LRMDA: variants seen among roughly 807,000 people sequenced by gnomAD.
LRMDA encodes the protein leucine-rich melanocyte differentiation-associated protein.
A neutral mutation model predicts 29.8 loss-of-function variants in LRMDA; 18 were observed. The ratio of observed to expected loss-of-function variants is 0.60; its 90% CI spans 0.42 to 0.90. The LOEUF (loss-of-function observed/expected upper bound fraction) is 0.90, where lower values mean the gene tolerates loss of function less well. Among genes scored for constraint, LRMDA ranks in the 40% least tolerant of loss-of-function variants. LRMDA has a pLI of 0.00. For missense variants in LRMDA, 273 were observed against 273.9 expected (o/e 1.00, Z 0.02); for synonymous variants, 125 against 109.4 (o/e 1.14, Z -0.89).
intron 6 of LRMDA, among the ~76,000 whole-genome samples, chr10:76,329,604 A>G (rs1171071675): frequency 6.6e-6 from 1 of 152,188 alleles, no homozygotes; most frequent in Non-Finnish European, 1.5e-5. Context: ...TTATTGACAC[A>G]GTTGTTAGGT....
At chr10:76,153,033 G>T (rs962641087) in intron 5 of LRMDA, among the ~76,000 whole-genome samples, 5 of 152,026 alleles carry the variant, frequency 3.3e-5, no homozygotes, top group Middle Eastern at 3.2e-3. Flanking sequence ...TAGAGACGGG[G>T]TTTCACCATG....
chr10:76,534,344 G>A (rs58933152), intron 6 of LRMDA, among the ~76,000 whole-genome samples: 7,809 of 152,224 alleles, frequency 0.051, 253 homozygotes, highest in African/African-American at 0.082. Flanking sequence ...CCACATGTGT[G>A]TATTTTAGCC....
intron 1 of LRMDA, among the ~76,000 whole-genome samples, chr10:75,433,839 G>C (rs571744467): frequency 6.6e-6 from 1 of 150,826 alleles, no homozygotes; most frequent in Admixed American, 6.6e-5. Context: ...TAAGTGCAAA[G>C]AAAAAAAAAC....
chr10:76,473,030 A>C (rs540486242), intron 6 of LRMDA, among the ~76,000 whole-genome samples: 2 of 151,734 alleles, frequency 1.3e-5, no homozygotes, highest in South Asian at 4.1e-4. Context: ...CTCTGAGCCC[A>C]CCATCATTCT....
intron 2 of LRMDA, among the ~76,000 whole-genome samples, chr10:75,802,367 A>ACACC (rs1348317248): frequency 2.0e-5 from 3 of 147,756 alleles, no homozygotes; most frequent in African/African-American, 7.4e-5. Context: ...ACACACACAC[A>ACACC]ATAGGGAAGG....
chr10:75,893,230 A>G (rs2132355633), intron 2 of LRMDA, among the ~76,000 whole-genome samples: 1 of 152,270 alleles, frequency 6.6e-6, no homozygotes, highest in African/African-American at 2.4e-5. Context: ...CTAAAGAGTT[A>G]CTGAGGGCTC....
At chr10:76,495,762 T>G (rs1842875805) in intron 6 of LRMDA, among the ~76,000 whole-genome samples, 1 of 151,936 alleles carries the variant, frequency 6.6e-6, no homozygotes, top group Admixed American at 6.6e-5. Context: ...TTCATGTATT[T>G]GGGTAATTGT....
intron 6 of LRMDA, among the ~76,000 whole-genome samples, chr10:76,373,635 A>C (rs1589155778): frequency 6.6e-6 from 1 of 152,196 alleles, no homozygotes; most frequent in East Asian, 1.9e-4. Flanking sequence ...TACCTTTGGG[A>C]AGGCCCAATT....
At chr10:76,513,895 T>G (rs1351621758) in intron 6 of LRMDA, among the ~76,000 whole-genome samples, 6 of 152,180 alleles carry the variant, frequency 3.9e-5, no homozygotes, top group Non-Finnish European at 7.3e-5. Flanking sequence ...TGTGACACAA[T>G]GGCACCCAAA....
At chr10:75,660,269 C>T (rs560070798) in intron 2 of LRMDA, among the ~76,000 whole-genome samples, 54 of 152,168 alleles carry the variant, frequency 3.5e-4, no homozygotes, top group Non-Finnish European at 6.8e-4. Context: ...TCCCACTTTA[C>T]GTTAATGTGA....
intron 2 of LRMDA, among the ~76,000 whole-genome samples, chr10:75,550,250 A>G (rs7071021): frequency 0.013 from 1,987 of 152,126 alleles, 44 homozygotes; most frequent in African/African-American, 0.045. Context: ...ATCTTTACTT[A>G]TTTTTGATCT....
chr10:76,198,231 T>C (rs563951177), intron 5 of LRMDA, among the ~76,000 whole-genome samples: 1 of 152,358 alleles, frequency 6.6e-6, no homozygotes, highest in African/African-American at 2.4e-5. Flanking sequence ...CAAACTTTAC[T>C]GTGCCTAGAA....
chr10:75,824,049 T>A (rs142556625), intron 2 of LRMDA, among the ~76,000 whole-genome samples: 96 of 152,108 alleles, frequency 6.3e-4, no homozygotes, highest in African/African-American at 2.2e-3. Flanking sequence ...TGTGCACTAT[T>A]TGGGTGATGG....
chr10:76,094,183 C>T (rs995622696), intron 5 of LRMDA, among the ~76,000 whole-genome samples: 1 of 152,154 alleles, frequency 6.6e-6, no homozygotes, highest in African/African-American at 2.4e-5. Flanking sequence ...TGAGATGGAA[C>T]GATAGACTCC....
chr10:76,086,865 T>C (rs983934990), intron 5 of LRMDA, among the ~76,000 whole-genome samples: 1 of 152,008 alleles, frequency 6.6e-6, no homozygotes, highest in African/African-American at 2.4e-5. Context: ...TTTAGCAAAA[T>C]GAGATTGCAA....
At chr10:75,958,971 A>T (rs1190814418) in intron 2 of LRMDA, among the ~76,000 whole-genome samples, 1 of 152,198 alleles carries the variant, frequency 6.6e-6, no homozygotes, top group Non-Finnish European at 1.5e-5. Flanking sequence ...CGAGAACAGT[A>T]TGGGAGAAGC....
chr10:75,932,864 G>T (rs1403185458), intron 2 of LRMDA, among the ~76,000 whole-genome samples: 1 of 152,154 alleles, frequency 6.6e-6, no homozygotes, highest in Non-Finnish European at 1.5e-5. Context: ...TGATAATGTT[G>T]AAGATTGTTA....
At chr10:75,839,988 G>A (rs767447386) in intron 2 of LRMDA, among the ~76,000 whole-genome samples, 6 of 152,174 alleles carry the variant, frequency 3.9e-5, no homozygotes, top group South Asian at 2.1e-4. Context: ...GATTACAGGC[G>A]TAAGCCACCA....
At chr10:75,480,429 C>A (rs1031086819) in intron 2 of LRMDA, among the ~76,000 whole-genome samples, 1 of 150,154 alleles carries the variant, frequency 6.7e-6, no homozygotes, top group Non-Finnish European at 1.5e-5. Context: ...CACTGGGAAA[C>A]AGCAGTGAAA....
Sources: gnomAD v4.1 joint callset for allele counts (sites outside exome capture counted in the v4.1 genomes callset) on GRCh38, gnomAD v4.1.1 for gene constraint, MANE v1.5 for transcripts, NCBI Gene and HGNC (gene_info 2026-07-23, HGNC 2026-07-21) for gene names.